The following CHIC2 variants were observed in gnomAD, a reference collection of about 807,000 sequenced individuals.
CHIC2 encodes the protein cysteine rich hydrophobic domain 2.
Under a neutral mutation model 25.9 loss-of-function variants are expected in CHIC2, and 14 were observed. That is an observed-to-expected ratio of 0.54 (90% CI 0.36 to 0.85). CHIC2 has a LOEUF of 0.85. Among genes scored for constraint, CHIC2 ranks in the 40% least tolerant of loss-of-function variants. CHIC2 has a pLI of 0.01. For synonymous variants in CHIC2, 70 were observed against 72.0 expected, an observed-to-expected ratio of 0.97 and a Z score of 0.14; for missense variants, 146 against 202.0, an observed-to-expected ratio of 0.72 and a Z score of 1.68.
chr4:54,073,695 T>C, the CHIC2 span, among the ~76,000 whole-genome samples: 1 of 152,194 alleles, frequency 6.6e-6, no homozygotes, highest in East Asian at 1.9e-4. Context: ...CAAATGTTTA[T>C]TGTTGTTTTA....
intron 1 of CHIC2, among the ~76,000 whole-genome samples, chr4:54,050,024 A>C (rs77950329): frequency 6.6e-6 from 1 of 152,296 alleles, no homozygotes; most frequent in South Asian, 2.1e-4. Context: ...TAACAAGAAG[A>C]TAAAAGACAT....
chr4:54,082,977 G>A, the CHIC2 span, among the ~76,000 whole-genome samples: 5 of 144,644 alleles, frequency 3.5e-5, no homozygotes, highest in Non-Finnish European at 7.5e-5. Flanking sequence ...ATAGGCTGAT[G>A]CCATTTTTAT....
the CHIC2 span, among the ~76,000 whole-genome samples, chr4:54,090,427 TGCCTGCCTCG>T: frequency 6.6e-6 from 1 of 152,154 alleles, no homozygotes; most frequent in African/African-American, 2.4e-5. Flanking sequence ...TCAAGTAATC[TGCCTGCCTCG>T]GCCTGCCAAA....
chr4:54,079,701 A>G, the CHIC2 span, among the ~76,000 whole-genome samples: 1 of 152,176 alleles, frequency 6.6e-6, no homozygotes, highest in African/African-American at 2.4e-5. Flanking sequence ...AGTGCAAATC[A>G]AAACCACAAT....
intron 2 of CHIC2, 32 bp downstream of exon 2, chr4:54,049,219 G>T: frequency 6.4e-7 from 1 of 1,570,150 alleles, no homozygotes; most frequent in Non-Finnish European, 8.7e-7. Context: ...TCATTTTGAG[G>T]CATACAAATA....
At chr4:54,074,582 C>T in the CHIC2 span, among the ~76,000 whole-genome samples, 27 of 142,870 alleles carry the variant, frequency 1.9e-4, no homozygotes, top group African/African-American at 6.6e-4. Flanking sequence ...CTGCCATCTC[C>T]ACCTACAACA....
At chr4:54,080,952 A>G in the CHIC2 span, among the ~76,000 whole-genome samples, 147 of 55,658 alleles carry the variant, frequency 2.6e-3, 3 homozygotes, top group Middle Eastern at 0.017. Context: ...GTATATATAT[A>G]TATATATATA....
chr4:54,067,315 TG>T, upstream of CHIC2, among the ~76,000 whole-genome samples: 1 of 152,076 alleles, frequency 6.6e-6, no homozygotes, highest in Admixed American at 6.6e-5. Context: ...TGTGTGTGTG[TG>T]TGTGTGTTTT....
chr4:54,050,424 T>A (rs1470610168), intron 1 of CHIC2, among the ~76,000 whole-genome samples: 1 of 152,130 alleles, frequency 6.6e-6, no homozygotes, highest in Non-Finnish European at 1.5e-5. Flanking sequence ...TGCTTTCTCA[T>A]GATCATCATA....
chr4:54,066,112 C>T (rs1050944341), upstream of CHIC2, among the ~76,000 whole-genome samples: 2 of 152,164 alleles, frequency 1.3e-5, no homozygotes, highest in African/African-American at 4.8e-5. Context: ...CAGGAAGTGT[C>T]AGTGGGGCAC....
the CHIC2 span, among the ~76,000 whole-genome samples, chr4:54,078,117 A>G: frequency 6.6e-6 from 1 of 152,220 alleles, no homozygotes; most frequent in African/African-American, 2.4e-5. Flanking sequence ...TTCTATAATT[A>G]GTGCTTACTA....
the CHIC2 span, among the ~76,000 whole-genome samples, chr4:54,082,653 A>G: frequency 6.6e-6 from 1 of 152,152 alleles, no homozygotes; most frequent in African/African-American, 2.4e-5. Context: ...TCTAAATCCA[A>G]TCCCATATTT....
intron 3 of CHIC2, among the ~76,000 whole-genome samples, chr4:54,037,148 T>C (rs982438519): frequency 6.6e-6 from 1 of 151,998 alleles, no homozygotes; most frequent in South Asian, 2.1e-4. Flanking sequence ...GTGGACTGCT[T>C]GAGCTCAGGA....
chr4:54,045,382 G>C (rs1278359311), intron 3 of CHIC2, among the ~76,000 whole-genome samples: 2 of 152,060 alleles, frequency 1.3e-5, no homozygotes, highest in African/African-American at 4.8e-5. Context: ...TTGATGAACA[G>C]TGATGCAAAA....
At chr4:54,043,257 TAA>T (rs902582772) in intron 3 of CHIC2, among the ~76,000 whole-genome samples, 2 of 151,854 alleles carry the variant, frequency 1.3e-5, no homozygotes, top group Non-Finnish European at 2.9e-5. Flanking sequence ...CTGTCTCTAC[TAA>T]AAATACAAAA....
chr4:54,084,303 C>T, the CHIC2 span, among the ~76,000 whole-genome samples: 1 of 152,246 alleles, frequency 6.6e-6, no homozygotes, highest in African/African-American at 2.4e-5. Flanking sequence ...GTTCCTCTAA[C>T]AATATGATGC....
chr4:54,022,192 C>T (rs113746810), intron 3 of CHIC2, among the ~76,000 whole-genome samples: 9,287 of 152,118 alleles, frequency 0.061, 887 homozygotes, highest in African/African-American at 0.2. Flanking sequence ...CCAACTCGCC[C>T]GGCAGCCACT....
In CHIC2 at chr4:54,011,274, T is replaced by C. The variant is rs572199372; in HGVS notation, c.448-1129A>G. Among the ~76,000 whole-genome samples, 10 of 152,240 alleles carry C rather than the reference T, an allele frequency of 6.6e-5. No individual in the cohort carries two copies. The East Asian group carries it at 1.4e-3, about 21-fold the overall frequency. On this transcript the variant is annotated intron_variant, in intron 5 of 5. Transcript: ENST00000263921. Reference sequence around the variant, plus strand: ...CCTCAATAAAGAAGATACACTTCTATACCTGGCTCAAAAATATTCCTGTCC... The same window carrying C: ...CCTCAATAAAGAAGATACACTTCTACACCTGGCTCAAAAATATTCCTGTCC...
At chr4:54,010,197 T>A in intron 5 of CHIC2, 52 bp from the exon 6 acceptor site, 1 of 1,325,192 alleles carries the variant, frequency 7.5e-7, no homozygotes, top group Non-Finnish European at 1.1e-6. Flanking sequence ...AATTTTTTCT[T>A]AAAACTTCAA....
Sources: allele counts gnomAD v4.1 joint callset (sites outside exome capture counted in the v4.1 genomes callset), GRCh38; gene constraint gnomAD v4.1.1; transcripts MANE v1.5; gene names NCBI Gene and HGNC (gene_info 2026-07-23, HGNC 2026-07-21).